The following BICC1 variants were observed in gnomAD, a reference collection of about 807,000 sequenced individuals.
The protein encoded by BICC1 is BicC family RNA binding protein 1.
BICC1 carries 43 observed loss-of-function variants against 111.0 expected under a neutral mutation model. The ratio of observed to expected loss-of-function variants is 0.39; its 90% CI spans 0.30 to 0.50. The LOEUF (loss-of-function observed/expected upper bound fraction) is 0.50. BICC1 is among the 20% of genes least tolerant of loss of function. The probability of loss-of-function intolerance (pLI) is 0.88; values close to 1 mark genes in which losing one functional copy is unlikely to be tolerated. For synonymous variants in BICC1, 467 were observed against 434.4 expected, an observed-to-expected ratio of 1.07 and a Z score of -0.93; for missense variants, 1,091 against 1,203.2, an observed-to-expected ratio of 0.91 and a Z score of 1.38.
At chr10:58,667,746 A>G (rs1045746428) in intron 2 of BICC1, among the ~76,000 whole-genome samples, 1 of 152,098 alleles carries the variant, frequency 6.6e-6, no homozygotes, top group African/African-American at 2.4e-5. Context: ...TATTTTGTCT[A>G]TGAGGAAATA....
At chr10:58,704,971 T>C (rs533934209) in intron 3 of BICC1, among the ~76,000 whole-genome samples, 1 of 152,358 alleles carries the variant, frequency 6.6e-6, no homozygotes, top group South Asian at 2.1e-4. Context: ...TAGCTCTGTC[T>C]AAACTTTACT....
intron 3 of BICC1, among the ~76,000 whole-genome samples, chr10:58,740,121 G>A (rs1325139277): frequency 6.6e-6 from 1 of 152,106 alleles, no homozygotes; most frequent in Non-Finnish European, 1.5e-5. Context: ...GGATGGCTGT[G>A]GGATTTAAAT....
intron 3 of BICC1, among the ~76,000 whole-genome samples, chr10:58,724,843 C>T (rs1007387824): frequency 1.5e-4 from 23 of 152,154 alleles, no homozygotes; most frequent in Non-Finnish European, 2.9e-4. Context: ...CTTGCACCTC[C>T]GATTACTCAT....
chr10:58,732,421 A>G lies in BICC1; in HGVS notation c.307+30278A>G, dbSNP rs1291935644. 1.1e-3 allele frequency among the ~76,000 whole-genome samples: 34 copies of G among 30,496 alleles called. 4 individuals are homozygous for G. Among genetic ancestry groups the G allele is most frequent in the African/African-American group, 2.7e-3 (27 of 9,920 alleles). 20.0% of individuals were successfully genotyped at this position (30,496 alleles called of 152,430 possible). ...TATATATATATATATATATATATAT[A>G]TATATATATATATATATATACTGGT... On this transcript the variant is annotated intron_variant, in intron 3 of 20. Transcript: ENST00000373886.
intron 10 of BICC1, among the ~76,000 whole-genome samples, chr10:58,797,868 G>A (rs949540172): frequency 6.6e-6 from 1 of 152,038 alleles, no homozygotes; most frequent in Non-Finnish European, 1.5e-5. Context: ...TCATCATTGA[G>A]ATGGAGCCCA....
intron 1 of BICC1, among the ~76,000 whole-genome samples, chr10:58,592,085 G>C (rs1474815320): frequency 6.6e-6 from 1 of 152,030 alleles, no homozygotes; most frequent in East Asian, 1.9e-4. Flanking sequence ...TATCCTTGCT[G>C]CAATGAAAAT....
chr10:58,802,686 A>C (rs1399741295), intron 14 of BICC1, among the ~76,000 whole-genome samples: 1 of 152,234 alleles, frequency 6.6e-6, no homozygotes, highest in Non-Finnish European at 1.5e-5. Context: ...TGAATCATTG[A>C]TATCTCCTTG....
chr10:58,796,217 G>A (rs1285637330), intron 9 of BICC1, 123 bp from the exon 10 acceptor site: 1 of 781,842 alleles, frequency 1.3e-6, no homozygotes, highest in Non-Finnish European at 2.1e-6. Context: ...TTTAAAAGCA[G>A]CATTGATATG....
intron 15 of BICC1, 89 bp from the exon 16 acceptor site, chr10:58,806,495 A>G (rs960919669): frequency 1.7e-6 from 2 of 1,161,712 alleles, no homozygotes; most frequent in Admixed American, 3.6e-5. Context: ...TTCATGGAAC[A>G]CAGTCAAAAC....
intron 3 of BICC1, among the ~76,000 whole-genome samples, chr10:58,748,110 C>T (rs10826231): frequency 0.6 from 91,787 of 151,934 alleles, 29,273 homozygotes; most frequent in East Asian, 0.9. Context: ...TAGTTTATAA[C>T]GTAGCTGGAT....
intron 1 of BICC1, among the ~76,000 whole-genome samples, chr10:58,542,718 T>C (rs1377914962): frequency 6.6e-6 from 1 of 151,954 alleles, no homozygotes; most frequent in African/African-American, 2.4e-5. Flanking sequence ...TCAAAGAAGA[T>C]ATACAGTTAG....
chr10:58,754,084 G>T (rs897329305), intron 3 of BICC1, among the ~76,000 whole-genome samples: 27 of 152,122 alleles, frequency 1.8e-4, no homozygotes, highest in Admixed American at 4.6e-4. Context: ...AGCATACTGT[G>T]TGTTTCTAAA....
intron 1 of BICC1, among the ~76,000 whole-genome samples, chr10:58,606,225 A>G (rs979191431): frequency 2.6e-5 from 4 of 152,178 alleles, no homozygotes; most frequent in Non-Finnish European, 5.9e-5. Context: ...TATAAGGGAA[A>G]GTCTCAGTTT....
intron 2 of BICC1, among the ~76,000 whole-genome samples, chr10:58,636,866 T>C (rs1179299569): frequency 6.6e-6 from 1 of 152,250 alleles, no homozygotes; most frequent in African/African-American, 2.4e-5. Flanking sequence ...AAAAGTGCTT[T>C]ATAAACAGTA....
chr10:58,635,105 A>G (rs576243643), intron 2 of BICC1, among the ~76,000 whole-genome samples: 1 of 152,274 alleles, frequency 6.6e-6, no homozygotes, highest in African/African-American at 2.4e-5. Flanking sequence ...ATGTGTGTCA[A>G]TTACTGATGG....
chr10:58,708,463 G>A (rs536300821), intron 3 of BICC1, among the ~76,000 whole-genome samples: 1 of 152,192 alleles, frequency 6.6e-6, no homozygotes, highest in South Asian at 2.1e-4. Context: ...CATGGAGTGA[G>A]GTTAAGAGCA....
intron 1 of BICC1, among the ~76,000 whole-genome samples, chr10:58,527,056 T>C (rs9416705): frequency 0.46 from 69,923 of 152,028 alleles, 17,147 homozygotes; most frequent in Admixed American, 0.62. Context: ...GGTTTAAAAG[T>C]GTTCCTATTT....
intron 3 of BICC1, among the ~76,000 whole-genome samples, chr10:58,773,355 T>C (rs1842668608): frequency 6.6e-6 from 1 of 152,200 alleles, no homozygotes; most frequent in Non-Finnish European, 1.5e-5. Context: ...GAATGGGTGT[T>C]GTGTCAGTCT....
chr10:58,812,292 C>G (rs1319322232), intron 17 of BICC1, among the ~76,000 whole-genome samples: 2 of 151,932 alleles, frequency 1.3e-5, no homozygotes, highest in African/African-American at 2.4e-5. Context: ...TTGGCTGGAG[C>G]AGCTGGGTGA....
Sources: gnomAD v4.1 joint callset for allele counts (sites outside exome capture counted in the v4.1 genomes callset) on GRCh38, gnomAD v4.1.1 for gene constraint, MANE v1.5 for transcripts, NCBI Gene and HGNC (gene_info 2026-07-23, HGNC 2026-07-21) for gene names.